The following OCIAD1 variants were observed in gnomAD, a reference collection of about 807,000 sequenced individuals.
The protein encoded by OCIAD1 is OCIA domain-containing protein 1.
Under a neutral mutation model 38.9 loss-of-function variants are expected in OCIAD1, and 29 were observed. That is an observed-to-expected ratio of 0.74 (90% CI 0.55 to 1.02). The LOEUF (loss-of-function observed/expected upper bound fraction) is 1.02. OCIAD1 is among the 50% of genes least tolerant of loss of function. OCIAD1 has a pLI of 0.00. For missense variants in OCIAD1, 288 were observed against 289.6 expected, an observed-to-expected ratio of 0.99 and a Z score of 0.04; for synonymous variants, 110 against 92.0, an observed-to-expected ratio of 1.20 and a Z score of -1.12.
chr4:48,835,409 C>T (rs1777889459), intron 3 of OCIAD1, among the ~76,000 whole-genome samples: 1 of 151,826 alleles, frequency 6.6e-6, no homozygotes, highest in Non-Finnish European at 1.5e-5. Flanking sequence ...AAAATTTTAC[C>T]AAATTTCAAT....
At chr4:48,826,488 C>T (rs1314395843), upstream of OCIAD1, among the ~76,000 whole-genome samples, 2 of 152,094 alleles carry the variant, frequency 1.3e-5, no homozygotes, top group Non-Finnish European at 2.9e-5. Flanking sequence ...TGAACTCATT[C>T]TTTTTTATGG....
At chr4:48,857,074 C>G (rs1169668642) in intron 7 of OCIAD1, 139 bp from the exon 8 acceptor site, 14 of 410,090 alleles carry the variant, frequency 3.4e-5, no homozygotes, top group Non-Finnish European at 5.7e-5. Context: ...AGTATAGTAC[C>G]TGTGAAATGG....
At chr4:48,811,514 T>G (rs1777088649) in intron 1 of OCIAD1, among the ~76,000 whole-genome samples, 1 of 152,216 alleles carries the variant, frequency 6.6e-6, no homozygotes, top group Non-Finnish European at 1.5e-5. Flanking sequence ...CAGGTACCCA[T>G]CTTAGGCTCT....
At chr4:48,850,998 C>T (rs1482561801) in intron 6 of OCIAD1, among the ~76,000 whole-genome samples, 1 of 152,184 alleles carries the variant, frequency 6.6e-6, no homozygotes, top group African/African-American at 2.4e-5. Flanking sequence ...CTTTTGAATT[C>T]CCAAATCTTA....
chr4:48,839,147 G>C (rs1232271244), intron 3 of OCIAD1, among the ~76,000 whole-genome samples: 1 of 152,106 alleles, frequency 6.6e-6, no homozygotes, highest in African/African-American at 2.4e-5. Flanking sequence ...AGAGTGATAA[G>C]AGTATGGGCC....
upstream of OCIAD1, among the ~76,000 whole-genome samples, chr4:48,827,603 C>T (rs1344091098): frequency 6.6e-6 from 1 of 152,224 alleles, no homozygotes; most frequent in Non-Finnish European, 1.5e-5. Flanking sequence ...TAAATGCCAG[C>T]ACAAATGCAA....
Position 48,821,618 on chromosome 4 carries a change from G to A in OCIAD1, c.-102-8959G>A, listed in dbSNP as rs1172710042. On this transcript the variant is annotated intron_variant, in intron 1 of 6. Transcript: ENST00000504654. ...GGAAGTCAAATTGTCTCTGTTTGCA[G>A]ATGACATAGTTGTATATTTAGAAAA... 7.2e-5 allele frequency among the ~76,000 whole-genome samples: 11 copies of A among 152,298 alleles called. No individual in the cohort carries two copies. The South Asian group carries it at 2.3e-3, about 32-fold the overall frequency.
chr4:48,837,224 C>CG (rs918504849), intron 3 of OCIAD1: 91 of 151,510 alleles, frequency 6.0e-4, no homozygotes, highest in African/African-American at 2.1e-3. Flanking sequence ...CCACCTGCCT[C>CG]GGCCTCCCAA....
At chr4:48,818,474 G>A (rs186700837) in intron 1 of OCIAD1, among the ~76,000 whole-genome samples, 265 of 152,326 alleles carry the variant, frequency 1.7e-3, no homozygotes, top group Middle Eastern at 3.4e-3. Flanking sequence ...GGAAAAAGCA[G>A]TGCAAAAATG....
In OCIAD1 at chr4:48,861,612, G is replaced by T. The variant is rs1212054547; in HGVS notation, c.*850G>T. The T allele has an allele frequency of 2.0e-5, 3 of 152,156 alleles. No homozygotes were observed. The highest frequency in any genetic ancestry group is 4.4e-5 in the Non-Finnish European group (3 of 68,034). The allele number at this position is 152,156 out of a possible 1,614,324, so 9.4% of individuals were successfully genotyped here. A position where few individuals can be genotyped will look rare whatever the true frequency, so the allele number is the denominator to read the frequency against. On this transcript the variant is annotated 3_prime_UTR_variant, in exon 9 of 9. Coordinates refer to ENST00000264312, the MANE Select transcript of OCIAD1 (RefSeq NM_017830.4). The stretch of plus-strand genomic sequence containing the variant: ...GAGTTGGGAGGATCAGTTGAACCCA[G>T]TGGTTCTGGGTTGCAGTGAGCTGTG...
intron 8 of OCIAD1, among the ~76,000 whole-genome samples, chr4:48,858,480 G>A (rs529737131): frequency 6.6e-6 from 1 of 152,144 alleles, no homozygotes; most frequent in South Asian, 2.1e-4. Flanking sequence ...TTTTGAGATG[G>A]TTTTATTCTG....
chr4:48,822,120 C>T (rs1193227791), intron 1 of OCIAD1, among the ~76,000 whole-genome samples: 3 of 152,218 alleles, frequency 2.0e-5, no homozygotes, highest in Non-Finnish European at 2.9e-5. Context: ...AAGCTGGAGG[C>T]ATCATGCTAT....
rs547046387 is a variant in OCIAD1 at position 48,861,049 on chromosome 4, C to A, written c.*287C>A. The A allele has an allele frequency of 1.9e-5, 6 of 324,212 alleles. No individual in the cohort carries two copies. In the Admixed American group the frequency reaches 3.0e-4, roughly 16 times the overall value. The allele number at this position is 324,212 out of a possible 1,614,324, so 20.1% of individuals were successfully genotyped here. A position where few individuals can be genotyped will look rare whatever the true frequency, so the allele number is the denominator to read the frequency against. On this transcript the variant is annotated 3_prime_UTR_variant, in exon 9 of 9. Transcript: ENST00000264312. ...AGGGCAAAGATAACTCTTAAAAAAC[C>A]GTCGAGATTACAATGCTCTAGAATC...
At chr4:48,838,582 A>G (rs1778225524) in intron 3 of OCIAD1, among the ~76,000 whole-genome samples, 1 of 152,224 alleles carries the variant, frequency 6.6e-6, no homozygotes, top group South Asian at 2.1e-4. Context: ...TACATAGGAA[A>G]TTTTGTACTT....
intron 7 of OCIAD1, among the ~76,000 whole-genome samples, chr4:48,853,335 G>A (rs1579107483): frequency 6.6e-6 from 1 of 152,164 alleles, no homozygotes; most frequent in East Asian, 1.9e-4. Context: ...AAATATTAAT[G>A]TGTTTGCTTA....
intron 1 of OCIAD1, among the ~76,000 whole-genome samples, chr4:48,821,695 G>T (rs542044672): frequency 6.6e-6 from 1 of 152,318 alleles, no homozygotes; most frequent in East Asian, 1.9e-4. Flanking sequence ...CTTCAGCAAA[G>T]TGTCAGGATA....
chr4:48,848,468 G>T, intron 5 of OCIAD1, 22 bp downstream of exon 5: 1 of 1,250,346 alleles, frequency 8.0e-7, no homozygotes, highest in South Asian at 1.4e-5. Context: ...CAACATTGTA[G>T]TTTTCATAGC....
intron 7 of OCIAD1, among the ~76,000 whole-genome samples, chr4:48,854,360 G>T (rs939687852): frequency 3.3e-5 from 5 of 152,124 alleles, no homozygotes; most frequent in Admixed American, 2.6e-4. Context: ...TCAGAACAGG[G>T]TGTAATTTAA....
rs114608775 is a variant in OCIAD1, at chr4:48,842,452, A to G, written c.140-184A>G. ...TTTTGTGATGTTTTCTTAAATTTAAAATGCTCCTTTAATTTTTCCACTATG... is the reference window on the plus strand; with the variant it reads ...TTTTGTGATGTTTTCTTAAATTTAAGATGCTCCTTTAATTTTTCCACTATG... On this transcript the variant is annotated intron_variant, in intron 3 of 8. Coordinates refer to ENST00000264312, the MANE Select transcript of OCIAD1 (RefSeq NM_017830.4). Among the ~76,000 whole-genome samples, 2,591 of 152,324 alleles carry G rather than the reference A, an allele frequency of 0.017. 72 individuals carry two copies. Among genetic ancestry groups the G allele is most frequent in the African/African-American group, 0.059 (2,435 of 41,566 alleles).
Sources: gnomAD v4.1 joint callset for allele counts (sites outside exome capture counted in the v4.1 genomes callset) on GRCh38, gnomAD v4.1.1 for gene constraint, MANE v1.5 for transcripts, NCBI Gene and HGNC (gene_info 2026-07-23, HGNC 2026-07-21) for gene names.